ABCC4: variants seen among roughly 807,000 people sequenced by gnomAD.
ABCC4 encodes ATP binding cassette subfamily C member 4 (PEL blood group).
ABCC4 carries 102 observed loss-of-function variants against 168.5 expected under a neutral mutation model. The observed-to-expected ratio is 0.61, with a 90% confidence interval of 0.52 to 0.71. The LOEUF is 0.71. Ranked by LOEUF, ABCC4 falls within the 30% of genes least tolerant of loss-of-function variation. The probability of loss-of-function intolerance (pLI) is 0.00; values close to 1 mark genes in which losing one functional copy is unlikely to be tolerated. For synonymous variants in ABCC4, 617 were observed against 590.7 expected (o/e 1.04, Z -0.65); for missense variants, 1,402 against 1,605.8 (o/e 0.87, Z 2.17).
chr13:95,281,366 C>G (rs2041122618), intron 1 of ABCC4, among the ~76,000 whole-genome samples: 1 of 150,240 alleles, frequency 6.7e-6, no homozygotes, highest in Non-Finnish European at 1.5e-5. Context: ...GTGATTCTGC[C>G]TGAAAGAACA....
chr13:95,294,458 C>T (rs537000475), intron 1 of ABCC4, among the ~76,000 whole-genome samples: 4 of 152,312 alleles, frequency 2.6e-5, no homozygotes, highest in Admixed American at 6.5e-5. Context: ...ACATTTACTC[C>T]TAGCTGGACT....
rs1379112846 is a variant in ABCC4 at position 95,161,355 on chromosome 13, C to T, written c.2309-20G>A. 8 of 1,555,622 alleles carry T rather than the reference C, an allele frequency of 5.1e-6. No homozygotes were observed. ...TTAAACCTGAAATAAAGAAATATCA[C>T]TTAGAGAACACAGCATATCTCTGCA... On this transcript the variant is annotated intron_variant, in intron 18 of 30. Coordinates refer to ENST00000645237, the MANE Select transcript of ABCC4 (RefSeq NM_005845.5).
chr13:95,092,755 C>T (rs2034475621), intron 20 of ABCC4, among the ~76,000 whole-genome samples: 1 of 151,898 alleles, frequency 6.6e-6, no homozygotes, highest in African/African-American at 2.4e-5. Flanking sequence ...AATGAAACAA[C>T]AACAACAAAA....
chr13:95,116,970 G>A (rs1003732293), intron 19 of ABCC4, among the ~76,000 whole-genome samples: 4 of 152,162 alleles, frequency 2.6e-5, no homozygotes, highest in Admixed American at 6.5e-5. Context: ...TTTATACCAG[G>A]CTGCAAGTGG....
At chr13:95,274,360 G>A (rs2040919626) in intron 1 of ABCC4, among the ~76,000 whole-genome samples, 2 of 152,240 alleles carry the variant, frequency 1.3e-5, no homozygotes, top group African/African-American at 4.8e-5. Context: ...GCCCAGCCAG[G>A]AGCACAGCTC....
chr13:95,224,744 A>T (rs1406378193), intron 4 of ABCC4, among the ~76,000 whole-genome samples: 1 of 152,142 alleles, frequency 6.6e-6, no homozygotes, highest in Non-Finnish European at 1.5e-5. Flanking sequence ...CTCAAAAAAA[A>T]AAAGAAAATA....
chr13:95,179,110 G>A (rs1004869185), intron 11 of ABCC4, among the ~76,000 whole-genome samples: 12 of 152,192 alleles, frequency 7.9e-5, no homozygotes, highest in Non-Finnish European at 1.8e-4. Flanking sequence ...TGAGTCTGGA[G>A]GTCTGTGCTG....
chr13:95,138,800 GA>G (rs1003967796), intron 19 of ABCC4, among the ~76,000 whole-genome samples: 3 of 152,230 alleles, frequency 2.0e-5, no homozygotes, highest in Admixed American at 1.3e-4. Flanking sequence ...CTGCTCTAGG[GA>G]TAAAGTTTAA....
At chr13:95,181,982 G>T (rs2037911552) in intron 11 of ABCC4, among the ~76,000 whole-genome samples, 1 of 151,940 alleles carries the variant, frequency 6.6e-6, no homozygotes. Flanking sequence ...AAAAGACAGG[G>T]TCTTGCTATG....
At chr13:95,115,673 C>T (rs560507029) in intron 20 of ABCC4, among the ~76,000 whole-genome samples, 1 of 152,262 alleles carries the variant, frequency 6.6e-6, no homozygotes, top group African/African-American at 2.4e-5. Flanking sequence ...GAGCCACTTA[C>T]CAAGCACGAA....
At chr13:95,208,880 A>T (rs1393919809) in intron 6 of ABCC4, among the ~76,000 whole-genome samples, 2 of 152,104 alleles carry the variant, frequency 1.3e-5, no homozygotes. Flanking sequence ...TTGGCCTCCC[A>T]AAGTGTTGGG....
chr13:95,175,225 T>C (rs554609917), intron 13 of ABCC4, among the ~76,000 whole-genome samples: 2 of 152,328 alleles, frequency 1.3e-5, no homozygotes, highest in Non-Finnish European at 2.9e-5. Flanking sequence ...TGTTATGGAC[T>C]GAACCATGCT....
chr13:95,243,134 T>C (rs756607622), intron 3 of ABCC4, among the ~76,000 whole-genome samples: 3 of 149,842 alleles, frequency 2.0e-5, no homozygotes, highest in Admixed American at 6.6e-5. Flanking sequence ...GGCTCCACTT[T>C]ATATGAGAGG....
At chr13:95,046,852 C>A (rs999215149) in intron 27 of ABCC4, among the ~76,000 whole-genome samples, 12 of 151,934 alleles carry the variant, frequency 7.9e-5, no homozygotes, top group African/African-American at 2.9e-4. Context: ...GAGAAAAAGA[C>A]AATGGAGGCA....
Position 95,218,984 on chromosome 13 carries a change from AGAGTGAGAAAG to A in ABCC4, c.532-8214_532-8204del, listed in dbSNP as rs1339600639. Among the ~76,000 whole-genome samples, 38 of 38,886 alleles carry A rather than the reference AGAGTGAGAAAG, an allele frequency of 9.8e-4. 2 individuals carry two copies. Among genetic ancestry groups the A allele is most frequent in the African/African-American group, 1.2e-3 (13 of 10,776 alleles). 25.5% of individuals were successfully genotyped at this position (38,886 alleles called of 152,430 possible). A position where few individuals can be genotyped will look rare whatever the true frequency, so the allele number is the denominator to read the frequency against. ...AAGAAAGAAAGAAAGAAAGAAAGAA[AGAGTGAGAAAG>A]AAAGAAAGAGTGAGAAAGAAAGGAA... On this transcript the variant is annotated intron_variant, in intron 4 of 30. Coordinates refer to ENST00000645237, the MANE Select transcript of ABCC4 (RefSeq NM_005845.5).
intron 25 of ABCC4, among the ~76,000 whole-genome samples, chr13:95,070,830 T>A (rs991745259): frequency 1.3e-5 from 2 of 152,102 alleles, no homozygotes; most frequent in Non-Finnish European, 2.9e-5. Flanking sequence ...AAGAAAGAGT[T>A]TGCAGTGAAA....
At chr13:95,299,834 C>G (rs1481718933) in intron 1 of ABCC4, among the ~76,000 whole-genome samples, 1 of 152,028 alleles carries the variant, frequency 6.6e-6, no homozygotes, top group African/African-American at 2.4e-5. Flanking sequence ...AGACGGAATT[C>G]CCCCACACAC....
At chr13:95,247,136 G>GTTTTATATTGTGGCAGGGTT in intron 2 of ABCC4, 41 bp from the exon 3 acceptor site, 1 of 1,594,412 alleles carries the variant, frequency 6.3e-7, no homozygotes, top group Non-Finnish European at 8.5e-7. Context: ...AGTGAACCCT[G>GTTTTATATTGTGGCAGGGTT]CCACAATATA....
chr13:95,216,632 ACCAGCAC>A (rs2039120914), intron 4 of ABCC4, among the ~76,000 whole-genome samples: 1 of 140,906 alleles, frequency 7.1e-6, no homozygotes, highest in Non-Finnish European at 1.5e-5. Context: ...AAAAAAAAAA[ACCAGCAC>A]AAATGGCCAA....
Sources: gnomAD v4.1 joint callset for allele counts (sites outside exome capture counted in the v4.1 genomes callset) on GRCh38, gnomAD v4.1.1 for gene constraint, MANE v1.5 for transcripts, NCBI Gene and HGNC (gene_info 2026-07-23, HGNC 2026-07-21) for gene names.